PAM: variants seen among roughly 807,000 people sequenced by gnomAD.
PAM encodes peptidyl-glycine alpha-amidating monooxygenase.
In PAM, 72 loss-of-function variants were observed where a neutral mutation model predicts 122.1. The ratio of observed to expected loss-of-function variants is 0.59; its 90% confidence interval spans 0.49 to 0.72. The LOEUF (loss-of-function observed/expected upper bound fraction) is 0.72, where lower values mean the gene tolerates loss of function less well. Ranked by LOEUF, PAM falls within the 30% of genes least tolerant of loss-of-function variation. The pLI is 0.00. For missense variants in PAM, 1,106 were observed against 1,183.7 expected, an observed-to-expected ratio of 0.93 and a Z score of 0.96; for synonymous variants, 389 against 404.4, an observed-to-expected ratio of 0.96 and a Z score of 0.46.
intron 1 of PAM, among the ~76,000 whole-genome samples, chr5:102,757,169 T>C (rs182713983): frequency 6.6e-6 from 1 of 152,022 alleles, no homozygotes; most frequent in East Asian, 1.9e-4. Context: ...CTACTAAAAA[T>C]ACAAAAAATT....
At chr5:102,923,027 C>T (rs1245996439) in intron 5 of PAM, among the ~76,000 whole-genome samples, 1 of 152,170 alleles carries the variant, frequency 6.6e-6, no homozygotes, top group East Asian at 1.9e-4. Flanking sequence ...TGACAGTGAA[C>T]AGGAAGAAAC....
intron 3 of PAM, among the ~76,000 whole-genome samples, chr5:102,868,051 G>A (rs192127328): frequency 2.2e-4 from 34 of 152,270 alleles, no homozygotes; most frequent in Non-Finnish European, 1.2e-4. Context: ...CAAACCCACT[G>A]CTGTCATGTG....
chr5:102,774,623 C>T (rs1273065191), intron 1 of PAM, among the ~76,000 whole-genome samples: 7 of 152,012 alleles, frequency 4.6e-5, no homozygotes, highest in African/African-American at 1.4e-4. Context: ...TGAGATGGTA[C>T]AGTTTTTCAG....
At chr5:102,853,866 C>G (rs982998896) in intron 1 of PAM, among the ~76,000 whole-genome samples, 1 of 152,244 alleles carries the variant, frequency 6.6e-6, no homozygotes, top group Non-Finnish European at 1.5e-5. Context: ...GAAACAATAA[C>G]ACTTCTCACA....
At chr5:102,869,447 G>T (rs1440858144) in intron 3 of PAM, among the ~76,000 whole-genome samples, 1 of 152,174 alleles carries the variant, frequency 6.6e-6, no homozygotes, top group East Asian at 1.9e-4. Context: ...AGCCTTTCTG[G>T]TTTGAATAAA....
chr5:102,794,688 TA>T (rs1762910012), intron 1 of PAM, among the ~76,000 whole-genome samples: 1 of 152,218 alleles, frequency 6.6e-6, no homozygotes, highest in Admixed American at 6.5e-5. Flanking sequence ...ATTATCAGCT[TA>T]AAAAATATAG....
intron 1 of PAM, among the ~76,000 whole-genome samples, chr5:102,779,826 A>C (rs1301766337): frequency 6.8e-6 from 1 of 147,964 alleles, no homozygotes; most frequent in Non-Finnish European, 1.5e-5. Flanking sequence ...CCTCGCCTGC[A>C]GACGGCCTAT....
chr5:102,780,753 C>CTCTTTCTTTCTTTCTT (rs59409455), intron 1 of PAM, among the ~76,000 whole-genome samples: 18 of 74,628 alleles, frequency 2.4e-4, no homozygotes, highest in South Asian at 5.8e-4. Flanking sequence ...TTCTTTCTTT[C>CTCTTTCTTTCTTTCTT]TCTTTCTTTC....
At chr5:102,826,463 G>A (rs890475370) in intron 1 of PAM, among the ~76,000 whole-genome samples, 3 of 152,112 alleles carry the variant, frequency 2.0e-5, no homozygotes, top group South Asian at 2.1e-4. Flanking sequence ...TAAAACAACC[G>A]AGGAGCTTGT....
At chr5:102,936,365 C>T (rs1489198112) in intron 7 of PAM, among the ~76,000 whole-genome samples, 1 of 152,014 alleles carries the variant, frequency 6.6e-6, no homozygotes, top group Admixed American at 6.6e-5. Context: ...ACTGTAAATG[C>T]CCCCAAAAAT....
intron 1 of PAM, among the ~76,000 whole-genome samples, chr5:102,856,633 G>A (rs1782704573): frequency 6.6e-6 from 1 of 152,140 alleles, no homozygotes; most frequent in African/African-American, 2.4e-5. Context: ...AGTATTTACA[G>A]GGCTGAGCGA....
intron 14 of PAM, 138 bp downstream of exon 14, chr5:102,961,367 G>T: frequency 1.9e-6 from 1 of 526,538 alleles, no homozygotes; most frequent in Non-Finnish European, 3.5e-6. Flanking sequence ...TTTATACAAT[G>T]CATAATTCAT....
At chr5:102,924,822 G>T in intron 5 of PAM, 135 bp from the exon 6 acceptor site, 1 of 593,360 alleles carries the variant, frequency 1.7e-6, no homozygotes, top group Non-Finnish European at 3.1e-6. Flanking sequence ...GGATCTTAAA[G>T]CTAATATCAT....
chr5:102,929,686 G>A (rs898825335), intron 7 of PAM, among the ~76,000 whole-genome samples: 2 of 152,050 alleles, frequency 1.3e-5, no homozygotes, highest in African/African-American at 2.4e-5. Context: ...AGAAATGAAG[G>A]CAAAACATCT....
chr5:102,804,245 T>C lies in PAM; in HGVS notation c.-374+48897T>C, dbSNP rs1382117811. ...ATTTAGCAGCTCACGGGGGAGCCTT[T>C]TAGAGTTTTGGAGTTTGGTGGTAAC... On this transcript the variant is annotated intron_variant, in intron 1 of 25. Coordinates refer to ENST00000438793, the MANE Select transcript of PAM (RefSeq NM_001177306.2). Among the ~76,000 whole-genome samples, 3 of 152,132 alleles carry C rather than the reference T, an allele frequency of 2.0e-5. No individual in the cohort carries two copies. The East Asian group carries it at 5.8e-4, about 29-fold the overall frequency.
chr5:102,949,876 A>G (rs1428071509), intron 10 of PAM, 26 bp from the exon 11 acceptor site: 1 of 1,190,970 alleles, frequency 8.4e-7, no homozygotes, highest in African/African-American at 1.5e-5. Context: ...ATTATATTAA[A>G]TGATTAAAAT....
intron 1 of PAM, among the ~76,000 whole-genome samples, chr5:102,760,190 T>A (rs1751888162): frequency 6.6e-6 from 1 of 152,170 alleles, no homozygotes; most frequent in African/African-American, 2.4e-5. Context: ...TACTGTCCAG[T>A]TTAAAAGATT....
At chr5:102,787,630 C>A (rs1760892297) in intron 1 of PAM, among the ~76,000 whole-genome samples, 1 of 147,468 alleles carries the variant, frequency 6.8e-6, no homozygotes, top group Non-Finnish European at 1.5e-5. Context: ...CAGTCAGCTT[C>A]ACTCCTGGAA....
rs1303414416 is a variant in PAM at position 102,866,217 on chromosome 5, C to T, written c.22C>T (p.Leu8=). The stretch of plus-strand genomic sequence containing the variant: ...GGACATGGCTGGCCGCGTCCCTAGC[C>T]TGCTAGTTCTCCTTGTTTTTCCAAG... MAGRVPS[L]LVLLVFPSSC... is the part of the protein sequence containing the mutation. The change falls in exon 2 of 26, where the codon CTG becomes TTG. Residue 8 remains leucine (L), a synonymous_variant. Coordinates refer to ENST00000438793, the MANE Select transcript of PAM (RefSeq NM_001177306.2). 6.2e-7 allele frequency: 1 copy of T among 1,613,494 alleles called. No homozygotes were observed. The highest frequency in any genetic ancestry group is 1.3e-5 in the African/African-American group (1 of 75,060).
Sources: allele counts gnomAD v4.1 joint callset (sites outside exome capture counted in the v4.1 genomes callset), GRCh38; gene constraint gnomAD v4.1.1; transcripts MANE v1.5; gene names NCBI Gene and HGNC (gene_info 2026-07-23, HGNC 2026-07-21).